The following OTUD7A variants were observed in gnomAD, a reference collection of about 807,000 sequenced individuals.
OTUD7A encodes the protein OTU deubiquitinase 7A.
Under a neutral mutation model 65.7 loss-of-function variants are expected in OTUD7A, and 12 were observed. The observed-to-expected ratio is 0.18, with a 90% CI of 0.12 to 0.30. OTUD7A has a LOEUF of 0.30. Ranked by LOEUF, OTUD7A falls within the 10% of genes least tolerant of loss-of-function variation. The probability of loss-of-function intolerance (pLI) is 1.00; values close to 1 mark genes in which losing one functional copy is unlikely to be tolerated. For synonymous variants in OTUD7A, 641 were observed against 586.3 expected (o/e 1.09, Z -1.35); for missense variants, 1,148 against 1,304.8 (o/e 0.88, Z 1.85).
intron 1 of OTUD7A, among the ~76,000 whole-genome samples, chr15:31,663,991 AATG>A (rs1892247838): frequency 6.6e-6 from 1 of 152,194 alleles, no homozygotes; most frequent in Non-Finnish European, 1.5e-5. Flanking sequence ...GGTCACTGCA[AATG>A]ATGTTAATTC....
chr15:31,660,930 G>A (rs529221966), intron 1 of OTUD7A, among the ~76,000 whole-genome samples: 25 of 152,338 alleles, frequency 1.6e-4, no homozygotes, highest in East Asian at 1.2e-3. Flanking sequence ...CCTGAGGCTC[G>A]GAGAAGGCAC....
chr15:31,507,606 A>G (rs1251488197), intron 8 of OTUD7A, among the ~76,000 whole-genome samples: 2 of 145,838 alleles, frequency 1.4e-5, no homozygotes, highest in African/African-American at 5.2e-5. Flanking sequence ...ATGGAACAGG[A>G]CCCGAGCAGG....
intron 1 of OTUD7A, among the ~76,000 whole-genome samples, chr15:31,731,065 C>T (rs1248578543): frequency 1.3e-5 from 2 of 152,192 alleles, no homozygotes; most frequent in Admixed American, 6.5e-5. Flanking sequence ...AGGGGATGTG[C>T]AGCACCAGAC....
At chr15:31,554,638 C>T (rs1232341864) in intron 5 of OTUD7A, among the ~76,000 whole-genome samples, 1 of 152,164 alleles carries the variant, frequency 6.6e-6, no homozygotes, top group Non-Finnish European at 1.5e-5. Flanking sequence ...GCAGTGACTC[C>T]TGCATTACAC....
chr15:31,585,939 A>G (rs1447566531), intron 3 of OTUD7A, among the ~76,000 whole-genome samples: 1 of 152,210 alleles, frequency 6.6e-6, no homozygotes, highest in Non-Finnish European at 1.5e-5. Context: ...CAAATGATAT[A>G]TATGTTATGA....
intron 1 of OTUD7A, among the ~76,000 whole-genome samples, chr15:31,829,501 G>A (rs1021875561): frequency 2.6e-5 from 4 of 152,212 alleles, no homozygotes; most frequent in Non-Finnish European, 5.9e-5. Context: ...ATGATATGAG[G>A]ATACTAGACA....
chr15:31,616,196 C>A (rs772040784), intron 3 of OTUD7A, among the ~76,000 whole-genome samples: 1 of 152,198 alleles, frequency 6.6e-6, no homozygotes, highest in Non-Finnish European at 1.5e-5. Flanking sequence ...GAAACAAGGA[C>A]CTGGGAGCTG....
intron 1 of OTUD7A, among the ~76,000 whole-genome samples, chr15:31,667,252 C>T (rs1892346854): frequency 6.6e-6 from 1 of 151,790 alleles, no homozygotes; most frequent in Admixed American, 6.6e-5. Context: ...TATTGTGTTG[C>T]TGTCTATCTC....
At chr15:31,659,285 T>G (rs1048760285) in intron 1 of OTUD7A, among the ~76,000 whole-genome samples, 3 of 152,082 alleles carry the variant, frequency 2.0e-5, no homozygotes, top group Non-Finnish European at 4.4e-5. Flanking sequence ...GAGGTTACTC[T>G]TCACTCTCAG....
intron 3 of OTUD7A, among the ~76,000 whole-genome samples, chr15:31,620,446 A>C (rs2141235412): frequency 6.6e-6 from 1 of 151,750 alleles, no homozygotes; most frequent in African/African-American, 2.4e-5. Context: ...AATTTCAGAG[A>C]CTGTTATTGG....
intron 1 of OTUD7A, among the ~76,000 whole-genome samples, chr15:31,812,086 G>C (rs752111345): frequency 5.9e-5 from 9 of 152,224 alleles, no homozygotes; most frequent in Non-Finnish European, 1.0e-4. Context: ...AGCAGCAGGG[G>C]TTGAGGGAGC....
At chr15:31,805,914 T>C (rs1896257984) in intron 1 of OTUD7A, among the ~76,000 whole-genome samples, 1 of 152,236 alleles carries the variant, frequency 6.6e-6, no homozygotes, top group African/African-American at 2.4e-5. Context: ...TAAATGTTTT[T>C]AAGGCACTGT....
At chr15:31,619,935 T>A (rs1452825017) in intron 3 of OTUD7A, among the ~76,000 whole-genome samples, 1 of 152,226 alleles carries the variant, frequency 6.6e-6, no homozygotes, top group Non-Finnish European at 1.5e-5. Flanking sequence ...TTTCGAGATA[T>A]GTCCCATCAA....
intron 3 of OTUD7A, among the ~76,000 whole-genome samples, chr15:31,609,108 C>T (rs1028765425): frequency 6.6e-6 from 1 of 152,172 alleles, no homozygotes; most frequent in Non-Finnish European, 1.5e-5. Flanking sequence ...ACTGGGTCCC[C>T]AAGCAGGCCA....
chr15:31,776,751 G>T (rs529475921), intron 1 of OTUD7A, among the ~76,000 whole-genome samples: 63 of 152,290 alleles, frequency 4.1e-4, no homozygotes, highest in Non-Finnish European at 7.2e-4. Flanking sequence ...CTCCTCAGGG[G>T]TGTGAGCTGA....
intron 1 of OTUD7A, among the ~76,000 whole-genome samples, chr15:31,865,780 G>T (rs898741725): frequency 2.6e-5 from 4 of 152,256 alleles, no homozygotes; most frequent in Non-Finnish European, 4.4e-5. Context: ...TGGGTGTATG[G>T]TCTGTTCACA....
intron 10 of OTUD7A, among the ~76,000 whole-genome samples, chr15:31,500,036 C>A (rs569342371): frequency 1.3e-5 from 2 of 152,338 alleles, no homozygotes; most frequent in Admixed American, 6.5e-5. Flanking sequence ...GGTCGGGTAT[C>A]TGAACCCCAT....
At chr15:31,837,534 A>G (rs1039420961) in intron 1 of OTUD7A, among the ~76,000 whole-genome samples, 1 of 152,182 alleles carries the variant, frequency 6.6e-6, no homozygotes, top group Non-Finnish European at 1.5e-5. Flanking sequence ...TGACAGAGCA[A>G]GACTCCATCT....
rs1466512794 is a variant in OTUD7A, at chr15:31,483,978, C to T, written c.2118G>A (p.Glu706=). The part of the protein sequence containing the change: ...ATAKRPPRRP[E]TEGVPVPERA... The stretch of plus-strand genomic sequence containing the variant: ...GCTCCGGGACCGGCACGCCCTCCGT[C>T]TCCGGTCTGCGCGGCGGCCGCTTGG... Residue 706 remains glutamate (E), a synonymous_variant, in exon 13 of 13, where the codon GAG becomes GAA. Transcript: ENST00000307050. The T allele has an allele frequency of 1.1e-5, 13 of 1,142,924 alleles. No homozygotes were observed. In the East Asian group the frequency reaches 7.4e-4, roughly 65 times the overall value. The allele number at this position is 1,142,924 out of a possible 1,614,324, so 70.8% of individuals were successfully genotyped here.
Sources: allele counts gnomAD v4.1 joint callset (sites outside exome capture counted in the v4.1 genomes callset), GRCh38; gene constraint gnomAD v4.1.1; transcripts MANE v1.5; gene names NCBI Gene and HGNC (gene_info 2026-07-23, HGNC 2026-07-21).